The following CLDN14 variants were observed in gnomAD, a reference collection of about 807,000 sequenced individuals.
The protein encoded by CLDN14 is claudin-14.
Under a neutral mutation model 2.1 loss-of-function variants are expected in CLDN14, and 2 were observed. The ratio of observed to expected loss-of-function variants is 0.96; its 90% CI spans 0.39 to 3.01. The LOEUF is 3.01. CLDN14 is among the 30% of genes most tolerant of loss of function. CLDN14 has a pLI of 0.09. For synonymous variants in CLDN14, 136 were observed against 154.4 expected (o/e 0.88, Z 0.88); for missense variants, 298 against 328.0 (o/e 0.91, Z 0.71).
intron 1 of CLDN14, among the ~76,000 whole-genome samples, chr21:36,534,073 T>G (rs2087405027): frequency 6.6e-6 from 1 of 152,114 alleles, no homozygotes; most frequent in East Asian, 1.9e-4. Context: ...TTGCAATAGC[T>G]TAGTTCACTG....
In CLDN14 at chr21:36,528,871, T is replaced by C. The variant is rs2087356726; in HGVS notation, c.-219-18371A>G. Among the ~76,000 whole-genome samples, 9 of 152,286 alleles carry C rather than the reference T, an allele frequency of 5.9e-5. No individual in the cohort carries two copies. In the South Asian group the frequency reaches 1.9e-3, roughly 32 times the overall value. ...TCTCCACCACAGGCAGCATCTGCTGTAGTGTGAGCCGCAACCCTGCCTGGC... is the reference window on the plus strand; with the variant it reads ...TCTCCACCACAGGCAGCATCTGCTGCAGTGTGAGCCGCAACCCTGCCTGGC... On this transcript the variant is annotated intron_variant, in intron 1 of 2. Coordinates refer to the CLDN14 transcript ENST00000342108.
intron 1 of CLDN14, among the ~76,000 whole-genome samples, chr21:36,471,449 G>T (rs2086709565): frequency 6.6e-6 from 1 of 152,142 alleles, no homozygotes; most frequent in Admixed American, 6.5e-5. Context: ...CAGAGAGTTT[G>T]GGGGGGCTCA....
intron 1 of CLDN14, among the ~76,000 whole-genome samples, chr21:36,519,724 C>CA (rs1194207646): frequency 1.1e-5 from 1 of 92,680 alleles, no homozygotes; most frequent in African/African-American, 3.0e-5. Context: ...ACAACAACAA[C>CA]AACAACAACA....
At chr21:36,470,198 A>G (rs2086693841) in intron 1 of CLDN14, among the ~76,000 whole-genome samples, 1 of 152,054 alleles carries the variant, frequency 6.6e-6, no homozygotes. Context: ...CCCAAAAGAG[A>G]TATGTTGAAG....
intron 1 of CLDN14, among the ~76,000 whole-genome samples, chr21:36,537,700 A>G (rs1407994367): frequency 7.2e-6 from 1 of 138,842 alleles, no homozygotes; most frequent in Non-Finnish European, 1.5e-5. Context: ...CCCAGGCTGG[A>G]GTGCAATGGT....
At chr21:36,531,169 G>A (rs373712504) in intron 1 of CLDN14, among the ~76,000 whole-genome samples, 6 of 151,968 alleles carry the variant, frequency 3.9e-5, no homozygotes, top group South Asian at 2.1e-4. Flanking sequence ...TGGAGGTTGC[G>A]GTGAGCCGAG....
intron 1 of CLDN14, among the ~76,000 whole-genome samples, chr21:36,516,362 C>T (rs761398858): frequency 3.9e-5 from 6 of 152,144 alleles, no homozygotes; most frequent in Non-Finnish European, 8.8e-5. Context: ...TTTGATGCTT[C>T]TTGCCTGACT....
At chr21:36,534,053 C>T (rs1227391416) in intron 1 of CLDN14, among the ~76,000 whole-genome samples, 1 of 152,096 alleles carries the variant, frequency 6.6e-6, no homozygotes, top group Non-Finnish European at 1.5e-5. Context: ...TAGAACTGAA[C>T]ACAGAAAAAT....
intron 1 of CLDN14, among the ~76,000 whole-genome samples, chr21:36,540,672 G>C (rs1302141929): frequency 6.6e-6 from 1 of 152,108 alleles, no homozygotes; most frequent in African/African-American, 2.4e-5. Flanking sequence ...CTGGGGGGCA[G>C]GGCTCCAGGT....
intron 1 of CLDN14, among the ~76,000 whole-genome samples, chr21:36,462,066 A>G (rs2086585165): frequency 6.6e-6 from 1 of 152,170 alleles, no homozygotes; most frequent in Middle Eastern, 3.2e-3. Flanking sequence ...CTGCATTGGC[A>G]TCTCCTGTCC....
At chr21:36,493,085 G>A (rs1386987939) in intron 2 of CLDN14, among the ~76,000 whole-genome samples, 1 of 152,202 alleles carries the variant, frequency 6.6e-6, no homozygotes, top group Non-Finnish European at 1.5e-5. Flanking sequence ...ACCCTGAGAG[G>A]ATACTGTTGA....
chr21:36,519,967 A>T (rs1396945265), intron 1 of CLDN14, among the ~76,000 whole-genome samples: 1 of 152,036 alleles, frequency 6.6e-6, no homozygotes, highest in Non-Finnish European at 1.5e-5. Context: ...CCCTGCAACA[A>T]ATGACCACGA....
intron 1 of CLDN14, among the ~76,000 whole-genome samples, chr21:36,514,505 C>T (rs2835373): frequency 0.74 from 112,451 of 152,072 alleles, 44,267 homozygotes; most frequent in Non-Finnish European, 0.91. Context: ...GAATTAAACT[C>T]CACTCATCCC....
rs149969264 is a variant in CLDN14, at chr21:36,486,701, T to C, written c.-82+23662A>G. On this transcript the variant is annotated intron_variant, in intron 2 of 2. Coordinates refer to the CLDN14 transcript ENST00000342108. The stretch of plus-strand genomic sequence containing the variant: ...ATTTATCATGTCAACATTTACTTTC[T>C]CCTTCTTGAGGAATTTAGCCAGTTT... 2.4e-4 allele frequency: 307 copies of C among 1,285,488 alleles called. 4 individuals are homozygous for C. The Middle Eastern group carries it at 7.5e-3, about 32-fold the overall frequency. 79.6% of individuals were successfully genotyped at this position (1,285,488 alleles called of 1,614,324 possible). A position where few individuals can be genotyped will look rare whatever the true frequency, so the allele number is the denominator to read the frequency against.
chr21:36,547,440 GT>G (rs1659640637), intron 1 of CLDN14, among the ~76,000 whole-genome samples: 2 of 152,142 alleles, frequency 1.3e-5, no homozygotes, highest in Non-Finnish European at 2.9e-5. Context: ...TTTTGAAATG[GT>G]TGTGTAAAGA....
chr21:36,502,701 C>T (rs2087101310), intron 2 of CLDN14, among the ~76,000 whole-genome samples: 1 of 152,166 alleles, frequency 6.6e-6, no homozygotes, highest in African/African-American at 2.4e-5. Flanking sequence ...CCTTAAATAT[C>T]ATGGTTTCAG....
chr21:36,482,361 G>C (rs2086853494), upstream of CLDN14, among the ~76,000 whole-genome samples: 1 of 148,000 alleles, frequency 6.8e-6, no homozygotes, highest in Non-Finnish European at 1.5e-5. Context: ...TGGATGGATG[G>C]ATAGACTGAC....
chr21:36,482,989 A>T (rs1448786284), upstream of CLDN14, among the ~76,000 whole-genome samples: 1 of 152,242 alleles, frequency 6.6e-6, no homozygotes, highest in Non-Finnish European at 1.5e-5. Context: ...AGGTACTCCT[A>T]TTAACCTCAT....
intron 1 of CLDN14, among the ~76,000 whole-genome samples, chr21:36,558,297 A>G (rs1027216172): frequency 3.3e-5 from 5 of 151,792 alleles, no homozygotes; most frequent in Admixed American, 1.3e-4. Flanking sequence ...GAATTTTAGG[A>G]TTTTTTTTCT....
Sources: allele counts gnomAD v4.1 joint callset (sites outside exome capture counted in the v4.1 genomes callset), GRCh38; gene constraint gnomAD v4.1.1; transcripts MANE v1.5; gene names NCBI Gene and HGNC (gene_info 2026-07-23, HGNC 2026-07-21).